Variants in SPATS2L observed in about 807,000 individuals in gnomAD.
SPATS2L encodes spermatogenesis associated serine rich 2 like.
In SPATS2L, 30 loss-of-function variants were observed where a neutral mutation model predicts 59.6. The observed-to-expected ratio is 0.50, with a 90% CI of 0.38 to 0.68. The LOEUF (loss-of-function observed/expected upper bound fraction) is 0.68. Ranked by LOEUF, SPATS2L falls within the 30% of genes least tolerant of loss-of-function variation. The pLI is 0.00. For missense variants in SPATS2L, 615 were observed against 700.0 expected, an observed-to-expected ratio of 0.88 and a Z score of 1.37; for synonymous variants, 252 against 263.5, an observed-to-expected ratio of 0.96 and a Z score of 0.42.
At chr2:200,420,286 A>T (rs944908595) in intron 6 of SPATS2L, among the ~76,000 whole-genome samples, 3 of 150,182 alleles carry the variant, frequency 2.0e-5, no homozygotes, top group African/African-American at 7.6e-5. Flanking sequence ...TTTAGAACAA[A>T]TGTTAAAATA....
intron 8 of SPATS2L, among the ~76,000 whole-genome samples, chr2:200,457,721 A>G (rs2085949100): frequency 6.6e-6 from 1 of 152,224 alleles, no homozygotes; most frequent in Non-Finnish European, 1.5e-5. Context: ...CCTTTCCACT[A>G]GGATTTCCTG....
intron 1 of SPATS2L, among the ~76,000 whole-genome samples, chr2:200,309,383 C>G (rs1320515158): frequency 6.6e-6 from 1 of 152,242 alleles, no homozygotes; most frequent in Non-Finnish European, 1.5e-5. Context: ...ACCTGTCCCA[C>G]TGTATGACAA....
intron 3 of SPATS2L, among the ~76,000 whole-genome samples, chr2:200,396,029 A>AT (rs1425891230): frequency 4.7e-4 from 16 of 33,918 alleles, no homozygotes; most frequent in Admixed American, 8.1e-4. Flanking sequence ...AAAAAAAAAA[A>AT]AAAAATATAT....
At chr2:200,315,856 C>CAAA (rs374718905) in intron 1 of SPATS2L, among the ~76,000 whole-genome samples, 4,054 of 90,810 alleles carry the variant, frequency 0.045, 144 homozygotes, top group Non-Finnish European at 0.065. Flanking sequence ...ACCAAAAATC[C>CAAA]AAAAAAAAAA....
intron 2 of SPATS2L, among the ~76,000 whole-genome samples, chr2:200,332,323 A>AAAGTTC (rs1170434688): frequency 6.6e-6 from 1 of 152,002 alleles, no homozygotes; most frequent in African/African-American, 2.4e-5. Flanking sequence ...CAGCTCACTA[A>AAAGTTC]AAGTTCAACC....
chr2:200,427,639 G>A (rs1574488045), intron 6 of SPATS2L, among the ~76,000 whole-genome samples: 1 of 151,898 alleles, frequency 6.6e-6, no homozygotes, highest in South Asian at 2.1e-4. Flanking sequence ...TATGCCCTCT[G>A]AGCTCATCAA....
At chr2:200,423,517 T>C (rs2083398962) in intron 6 of SPATS2L, among the ~76,000 whole-genome samples, 1 of 152,180 alleles carries the variant, frequency 6.6e-6, no homozygotes, top group African/African-American at 2.4e-5. Flanking sequence ...TTGAACTCTC[T>C]GTAGTTTGCA....
At chr2:200,330,417 T>G (rs1419025125) in intron 2 of SPATS2L, among the ~76,000 whole-genome samples, 1 of 152,244 alleles carries the variant, frequency 6.6e-6, no homozygotes, top group African/African-American at 2.4e-5. Flanking sequence ...GGGAGTTGGT[T>G]GTTTTCCATG....
chr2:200,353,481 C>T (rs2080808368), intron 2 of SPATS2L, among the ~76,000 whole-genome samples: 1 of 152,156 alleles, frequency 6.6e-6, no homozygotes, highest in Non-Finnish European at 1.5e-5. Flanking sequence ...AAAGAAGTCA[C>T]TACCCCTGAA....
At chr2:200,335,613 AC>A in intron 2 of SPATS2L, among the ~76,000 whole-genome samples, 2 of 152,314 alleles carry the variant, frequency 1.3e-5, no homozygotes, top group South Asian at 4.1e-4. Context: ...CTTAGTTCAC[AC>A]CTTGTGTTCA....
At chr2:200,361,765 A>G (rs1208089329) in intron 2 of SPATS2L, among the ~76,000 whole-genome samples, 1 of 152,242 alleles carries the variant, frequency 6.6e-6, no homozygotes, top group Non-Finnish European at 1.5e-5. Context: ...TGGGAACAAA[A>G]TAAAAGGATT....
intron 2 of SPATS2L, among the ~76,000 whole-genome samples, chr2:200,361,808 AT>A (rs1330980330): frequency 6.6e-6 from 1 of 152,212 alleles, no homozygotes; most frequent in Non-Finnish European, 1.5e-5. Context: ...CTATGTATTT[AT>A]CCCCAGTATT....
chr2:200,322,070 GAT>G (rs1264420092), intron 1 of SPATS2L, among the ~76,000 whole-genome samples: 2 of 152,198 alleles, frequency 1.3e-5, no homozygotes, highest in Non-Finnish European at 2.9e-5. Context: ...CCACATGAAA[GAT>G]AGGATACTTG....
chr2:200,320,819 A>C (rs1389311687), intron 1 of SPATS2L, among the ~76,000 whole-genome samples: 8 of 152,260 alleles, frequency 5.3e-5, no homozygotes, highest in Admixed American at 5.2e-4. Context: ...ACTCATGTAC[A>C]AAATAGTTTT....
chr2:200,372,367 A>T (rs1172781135), intron 2 of SPATS2L: 1 of 163,062 alleles, frequency 6.1e-6, no homozygotes, highest in African/African-American at 2.4e-5. Flanking sequence ...CCCTTTAATG[A>T]CACCAAATGT....
chr2:200,337,402 T>C (rs1182102463), intron 2 of SPATS2L, among the ~76,000 whole-genome samples: 2 of 152,220 alleles, frequency 1.3e-5, no homozygotes, highest in Non-Finnish European at 2.9e-5. Context: ...CCATAGTCAA[T>C]AGCAAAAGCA....
chr2:200,363,209 A>C (rs946477233), intron 2 of SPATS2L, among the ~76,000 whole-genome samples: 5 of 152,126 alleles, frequency 3.3e-5, no homozygotes, highest in African/African-American at 4.8e-5. Context: ...TTTTTTAATT[A>C]TACTACTACT....
chr2:200,390,934 G>T (rs1246325671), intron 3 of SPATS2L: 4 of 151,758 alleles, frequency 2.6e-5, no homozygotes, highest in Admixed American at 1.3e-4. Flanking sequence ...GGCTGAGGCG[G>T]GCAGATCGCC....
At chr2:200,470,119 C>T (rs1401440661) in intron 11 of SPATS2L, 103 bp downstream of exon 11, 2 of 852,730 alleles carry the variant, frequency 2.3e-6, no homozygotes, top group African/African-American at 1.7e-5. Flanking sequence ...AGGGGGCTAA[C>T]GTGAGGTCTA....
Sources: allele counts gnomAD v4.1 joint callset (sites outside exome capture counted in the v4.1 genomes callset), GRCh38; gene constraint gnomAD v4.1.1; transcripts MANE v1.5; gene names NCBI Gene and HGNC (gene_info 2026-07-23, HGNC 2026-07-21).